The following SYT1 variants were observed in gnomAD, a reference collection of about 807,000 sequenced individuals.
SYT1 encodes synaptotagmin-1.
A neutral mutation model predicts 44.8 loss-of-function variants in SYT1; 8 were observed. That is an observed-to-expected ratio of 0.18 (90% CI 0.10 to 0.32). The LOEUF (loss-of-function observed/expected upper bound fraction) is 0.32, where lower values mean the gene tolerates loss of function less well. SYT1 is among the 10% of genes least tolerant of loss of function. The pLI is 1.00. For synonymous variants in SYT1, 154 were observed against 188.8 expected (o/e 0.82, Z 1.51); for missense variants, 286 against 509.3 (o/e 0.56, Z 4.22).
chr12:78,910,287 A>G (rs1876242734), intron 1 of SYT1, among the ~76,000 whole-genome samples: 1 of 151,974 alleles, frequency 6.6e-6, no homozygotes. Context: ...GGATAAACAA[A>G]AGCATGAACT....
chr12:79,029,278 C>T (rs1462261788), intron 2 of SYT1, among the ~76,000 whole-genome samples: 1 of 150,510 alleles, frequency 6.6e-6, no homozygotes, highest in Non-Finnish European at 1.5e-5. Flanking sequence ...CATATATCAG[C>T]ATCAACAGTA....
chr12:79,083,143 GA>G (rs1157056703), intron 3 of SYT1, among the ~76,000 whole-genome samples: 1 of 151,920 alleles, frequency 6.6e-6, no homozygotes, highest in Admixed American at 6.6e-5. Context: ...TTTCATTGAG[GA>G]AAAAATTATA....
At chr12:78,876,404 C>T (rs1467391524) in intron 1 of SYT1, among the ~76,000 whole-genome samples, 3 of 144,470 alleles carry the variant, frequency 2.1e-5, no homozygotes, top group African/African-American at 5.1e-5. Context: ...CTTTTATTTT[C>T]TGCTAATGCT....
At chr12:78,882,425 C>T (rs564368154) in intron 1 of SYT1, among the ~76,000 whole-genome samples, 1 of 151,696 alleles carries the variant, frequency 6.6e-6, no homozygotes, top group African/African-American at 2.4e-5. Flanking sequence ...TCATTAGACA[C>T]TAAAATTGTA....
intron 1 of SYT1, among the ~76,000 whole-genome samples, chr12:78,959,039 G>A (rs1879364905): frequency 6.6e-6 from 1 of 152,048 alleles, no homozygotes; most frequent in Non-Finnish European, 1.5e-5. Flanking sequence ...CTGATAAAAA[G>A]CTATAAAACT....
chr12:79,197,902 A>G (rs1873558063), intron 3 of SYT1, among the ~76,000 whole-genome samples: 1 of 152,168 alleles, frequency 6.6e-6, no homozygotes, highest in Non-Finnish European at 1.5e-5. Context: ...TTTTCTAAAA[A>G]ACTCTGGATA....
chr12:78,940,522 T>C (rs1038356737), intron 1 of SYT1, among the ~76,000 whole-genome samples: 1 of 152,094 alleles, frequency 6.6e-6, no homozygotes, highest in African/African-American at 2.4e-5. Flanking sequence ...CCTGAGTAGC[T>C]GGGACAACAG....
At chr12:79,351,907 TC>T (rs746991130) in intron 8 of SYT1, among the ~76,000 whole-genome samples, 12 of 152,184 alleles carry the variant, frequency 7.9e-5, no homozygotes, top group Non-Finnish European at 1.8e-4. Flanking sequence ...TAATGATGGA[TC>T]CTGTCTTCAA....
intron 2 of SYT1, among the ~76,000 whole-genome samples, chr12:78,982,239 C>A (rs1039834015): frequency 1.3e-5 from 2 of 152,056 alleles, no homozygotes; most frequent in African/African-American, 4.8e-5. Flanking sequence ...GTATAAGAAG[C>A]AAGAAGTTAG....
chr12:79,387,302 T>C (rs896725938), intron 9 of SYT1, among the ~76,000 whole-genome samples: 7 of 152,178 alleles, frequency 4.6e-5, no homozygotes, highest in African/African-American at 1.4e-4. Context: ...ACTAGAAATG[T>C]AGTGATAATT....
chr12:78,960,995 C>T (rs562566133), intron 1 of SYT1, among the ~76,000 whole-genome samples: 73 of 152,186 alleles, frequency 4.8e-4, no homozygotes, highest in Non-Finnish European at 8.5e-4. Flanking sequence ...TTCAAAAACA[C>T]GTATATATTC....
At chr12:79,051,818 G>C (rs751491057) in intron 3 of SYT1, among the ~76,000 whole-genome samples, 2 of 151,944 alleles carry the variant, frequency 1.3e-5, no homozygotes, top group Admixed American at 6.6e-5. Context: ...TGTCAGGTTT[G>C]TCAAAGATCA....
At chr12:79,218,081 C>T (rs142319885) in intron 4 of SYT1, among the ~76,000 whole-genome samples, 428 of 152,014 alleles carry the variant, frequency 2.8e-3, no homozygotes, top group Admixed American at 5.9e-3. Context: ...TTCCCAATAT[C>T]GCAGGTTTGA....
At chr12:79,225,800 G>T (rs983023340) in intron 4 of SYT1, among the ~76,000 whole-genome samples, 3 of 152,022 alleles carry the variant, frequency 2.0e-5, no homozygotes, top group Admixed American at 2.0e-4. Flanking sequence ...TTTCCTTTTG[G>T]TCTTTGCCCA....
intron 3 of SYT1, among the ~76,000 whole-genome samples, chr12:79,111,321 G>T (rs572534355): frequency 1.3e-5 from 2 of 151,976 alleles, no homozygotes; most frequent in South Asian, 4.1e-4. Context: ...TTTTTCTCCT[G>T]CCTTACGTAG....
At chr12:79,339,285 A>G (rs1471317553) in intron 8 of SYT1, among the ~76,000 whole-genome samples, 1 of 152,218 alleles carries the variant, frequency 6.6e-6, no homozygotes, top group Non-Finnish European at 1.5e-5. Flanking sequence ...CACTCCCACC[A>G]ACAGTGTAAA....
At chr12:79,447,996 C>T (rs1870830609) in intron 10 of SYT1, among the ~76,000 whole-genome samples, 1 of 152,178 alleles carries the variant, frequency 6.6e-6, no homozygotes, top group Non-Finnish European at 1.5e-5. Context: ...TAAACTCTTA[C>T]CTTTACACTC....
chr12:79,185,357 C>A (rs534480549), intron 3 of SYT1, among the ~76,000 whole-genome samples: 1 of 151,920 alleles, frequency 6.6e-6, no homozygotes, highest in African/African-American at 2.4e-5. Context: ...GTAAGGTCTT[C>A]ACCTCCATCA....
chr12:79,016,634 T>TA (rs1486633288), intron 2 of SYT1, among the ~76,000 whole-genome samples: 1 of 152,076 alleles, frequency 6.6e-6, no homozygotes, highest in African/African-American at 2.4e-5. Flanking sequence ...CCCTGAGCAT[T>TA]AAATGGGTAG....
Sources: gnomAD v4.1 joint callset for allele counts (sites outside exome capture counted in the v4.1 genomes callset) on GRCh38, gnomAD v4.1.1 for gene constraint, MANE v1.5 for transcripts, NCBI Gene and HGNC (gene_info 2026-07-23, HGNC 2026-07-21) for gene names.